Variants in NEGR1 observed in about 807,000 individuals in gnomAD.
The protein encoded by NEGR1 is neuronal growth regulator 1, also known as IgLON family member 4.
Under a neutral mutation model 40.9 loss-of-function variants are expected in NEGR1, and 10 were observed. That is an observed-to-expected ratio of 0.24 (90% CI 0.15 to 0.42). The LOEUF is 0.42. Among genes scored for constraint, NEGR1 ranks in the 10% least tolerant of loss-of-function variants. NEGR1 has a pLI of 1.00. For missense variants in NEGR1, 352 were observed against 438.9 expected (o/e 0.80, Z 1.77); for synonymous variants, 185 against 166.8 (o/e 1.11, Z -0.84).
chr1:72,106,361 CA>C (rs1305607578), intron 1 of NEGR1, among the ~76,000 whole-genome samples: 1 of 151,972 alleles, frequency 6.6e-6, no homozygotes, highest in Non-Finnish European at 1.5e-5. Flanking sequence ...AGCAGTGACC[CA>C]GGGACATGCA....
chr1:71,615,365 GA>G, intron 4 of NEGR1, among the ~76,000 whole-genome samples: 1 of 152,174 alleles, frequency 6.6e-6, no homozygotes. Context: ...CAGGGTGAAA[GA>G]AAAAGGAAGA....
chr1:71,744,098 T>C (rs1655303279), intron 3 of NEGR1, among the ~76,000 whole-genome samples: 1 of 152,080 alleles, frequency 6.6e-6, no homozygotes, highest in African/African-American at 2.4e-5. Context: ...GAGTTGTCAA[T>C]TAAGCTTAAG....
At chr1:72,111,599 A>G (rs1039175162) in intron 1 of NEGR1, among the ~76,000 whole-genome samples, 4 of 151,966 alleles carry the variant, frequency 2.6e-5, no homozygotes, top group African/African-American at 2.4e-5. Context: ...ATTCACAAAG[A>G]TATCAGAGTT....
intron 4 of NEGR1, among the ~76,000 whole-genome samples, chr1:71,664,559 G>C (rs1652175532): frequency 6.6e-6 from 1 of 152,032 alleles, no homozygotes; most frequent in Non-Finnish European, 1.5e-5. Flanking sequence ...TAGAAGAGAA[G>C]GGAGGGAGAT....
intron 1 of NEGR1, among the ~76,000 whole-genome samples, chr1:72,037,297 A>G (rs1451169091): frequency 1.3e-5 from 2 of 152,186 alleles, no homozygotes; most frequent in Admixed American, 1.3e-4. Flanking sequence ...TACATCGCCT[A>G]CTAATATATT....
chr1:72,255,143 A>G (rs1655225188), intron 1 of NEGR1, among the ~76,000 whole-genome samples: 1 of 151,718 alleles, frequency 6.6e-6, no homozygotes, highest in African/African-American at 2.4e-5. Context: ...ATTATGAAAA[A>G]TGAACCTGTG....
intron 6 of NEGR1, among the ~76,000 whole-genome samples, chr1:71,558,042 A>G (rs750326538): frequency 9.9e-5 from 15 of 151,560 alleles, no homozygotes; most frequent in Non-Finnish European, 1.5e-4. Context: ...GGAATACCAC[A>G]GAGCTGATGT....
chr1:71,983,230 A>G (rs1646368486), intron 1 of NEGR1, among the ~76,000 whole-genome samples: 1 of 152,152 alleles, frequency 6.6e-6, no homozygotes, highest in South Asian at 2.1e-4. Flanking sequence ...GTTAACCTCC[A>G]AATTATTGAA....
chr1:71,862,362 A>G (rs1177174745), intron 2 of NEGR1, among the ~76,000 whole-genome samples: 1 of 152,126 alleles, frequency 6.6e-6, no homozygotes, highest in African/African-American at 2.4e-5. Flanking sequence ...GCCATTTCTA[A>G]TAATGTCATC....
chr1:71,560,429 T>TTATATATATATATATATATATAAA (rs58813234), intron 6 of NEGR1, among the ~76,000 whole-genome samples: 1 of 114,266 alleles, frequency 8.8e-6, no homozygotes, highest in African/African-American at 3.0e-5. Flanking sequence ...TAATTCTCCA[T>TTATATATATATATATATATATAAA]TATATATATA....
chr1:72,110,478 G>T (rs564498846), intron 1 of NEGR1, among the ~76,000 whole-genome samples: 10 of 151,550 alleles, frequency 6.6e-5, no homozygotes, highest in Non-Finnish European at 1.5e-4. Context: ...TTTTATGGTA[G>T]CCATGGTAAT....
At chr1:71,443,306 A>G (rs1237139567) in intron 6 of NEGR1, among the ~76,000 whole-genome samples, 2 of 152,190 alleles carry the variant, frequency 1.3e-5, no homozygotes, top group Non-Finnish European at 2.9e-5. Flanking sequence ...TGACCTCGCT[A>G]GATCCCAGTG....
At chr1:71,428,627 C>T (rs1043590106) in intron 6 of NEGR1, among the ~76,000 whole-genome samples, 9 of 149,682 alleles carry the variant, frequency 6.0e-5, no homozygotes, top group Non-Finnish European at 8.9e-5. Flanking sequence ...AAAAACTTTG[C>T]ATATATAAAT....
At chr1:71,918,419 C>T (rs1661665208) in intron 2 of NEGR1, among the ~76,000 whole-genome samples, 1 of 151,774 alleles carries the variant, frequency 6.6e-6, no homozygotes, top group Admixed American at 6.6e-5. Flanking sequence ...GTGTGCAAAG[C>T]CAGCAACTCT....
intron 3 of NEGR1, among the ~76,000 whole-genome samples, chr1:71,746,950 G>T (rs947968092): frequency 1.3e-5 from 2 of 152,136 alleles, no homozygotes; most frequent in Non-Finnish European, 2.9e-5. Flanking sequence ...TATGTAAAAA[G>T]CTTATCTGAT....
At position 71,447,993 on chromosome 1, in the gene NEGR1, T is replaced by G. The variant is rs571330450; in HGVS notation, c.941-40423A>C. Among the ~76,000 whole-genome samples the G allele has an allele frequency of 4.5e-3, 691 of 152,330 alleles. 5 individuals carry two copies. Among genetic ancestry groups the G allele is most frequent in the African/African-American group, 0.016 (655 of 41,576 alleles). The stretch of plus-strand genomic sequence containing the variant: ...TGGAAGAGGAAACTCTTCAATATAC[T>G]TGCATTTTTAATCCTTTCACAGGGT... On this transcript the variant is annotated intron_variant, in intron 6 of 6. Transcript: ENST00000357731.
intron 1 of NEGR1, among the ~76,000 whole-genome samples, chr1:72,113,881 A>T (rs1349363116): frequency 6.6e-6 from 1 of 151,776 alleles, no homozygotes; most frequent in Non-Finnish European, 1.5e-5. Context: ...AGCATCACAC[A>T]GACTGCTTTA....
At chr1:72,002,509 T>C (rs1003425574) in intron 1 of NEGR1, among the ~76,000 whole-genome samples, 1 of 152,240 alleles carries the variant, frequency 6.6e-6, no homozygotes, top group Middle Eastern at 3.4e-3. Flanking sequence ...ATAGAATCTA[T>C]AGCCTATGTC....
chr1:72,148,077 A>G (rs1251051979), intron 1 of NEGR1, among the ~76,000 whole-genome samples: 1 of 152,088 alleles, frequency 6.6e-6, no homozygotes, highest in Non-Finnish European at 1.5e-5. Flanking sequence ...CTCTTCTCAC[A>G]GCTCCACTAG....
Sources: allele counts gnomAD v4.1 joint callset (sites outside exome capture counted in the v4.1 genomes callset), GRCh38; gene constraint gnomAD v4.1.1; transcripts MANE v1.5; gene names NCBI Gene and HGNC (gene_info 2026-07-23, HGNC 2026-07-21).